PTPRG: variants seen among roughly 807,000 people sequenced by gnomAD.
The protein encoded by PTPRG is protein tyrosine phosphatase receptor type G.
Under a neutral mutation model 165.3 loss-of-function variants are expected in PTPRG, and 102 were observed. The ratio of observed to expected loss-of-function variants is 0.62; its 90% CI spans 0.53 to 0.73. PTPRG has a LOEUF of 0.73. Ranked by LOEUF, PTPRG falls within the 30% of genes least tolerant of loss-of-function variation. The pLI, the probability that PTPRG is intolerant of heterozygous loss-of-function variation, is 0.00. For missense variants in PTPRG, 1,866 were observed against 1,861.4 expected, an observed-to-expected ratio of 1.00 and a Z score of -0.05; for synonymous variants, 675 against 669.5, an observed-to-expected ratio of 1.01 and a Z score of -0.13.
At position 61,574,557 on chromosome 3, in the gene PTPRG, C is replaced by A. The variant is rs376634884; in HGVS notation, c.85+12185C>A. Among the ~76,000 whole-genome samples, 14 of 152,320 alleles carry A rather than the reference C, an allele frequency of 9.2e-5. 1 individual carries two copies. Among genetic ancestry groups the A allele is most frequent in the African/African-American group, 1.9e-4 (8 of 41,554 alleles). On this transcript the variant is annotated intron_variant, in intron 1 of 29. Coordinates refer to ENST00000474889, the MANE Select transcript of PTPRG (RefSeq NM_002841.4). The stretch of plus-strand genomic sequence containing the variant: ...GAAAATCTCTTGACAGTTTTAGGCA[C>A]TAGCTTCTCATTTTCCCAGTCAGTC...
chr3:62,084,689 C>G (rs1206438542), intron 5 of PTPRG, among the ~76,000 whole-genome samples: 1 of 152,200 alleles, frequency 6.6e-6, no homozygotes. Context: ...AAGCCTTTCT[C>G]TCCACTTCCC....
rs552190473 is a variant in PTPRG, at chr3:61,860,876, G to A, written c.190+111894G>A. On this transcript the variant is annotated intron_variant, in intron 2 of 29. Transcript: ENST00000474889. ...AGTTCTACACAATTTTATCACTGGT[G>A]TAGATTCATGTATCCGTCACCACAG... 2.0e-5 allele frequency among the ~76,000 whole-genome samples: 3 copies of A among 152,262 alleles called. 1 individual carries two copies. The South Asian group carries it at 6.2e-4, about 32-fold the overall frequency.
intron 2 of PTPRG, among the ~76,000 whole-genome samples, chr3:61,782,767 C>T (rs1051179343): frequency 6.6e-6 from 1 of 152,058 alleles, no homozygotes; most frequent in African/African-American, 2.4e-5. Flanking sequence ...GTAATAATTG[C>T]TTGAGTCTGG....
At chr3:62,007,391 C>G (rs533577406) in intron 4 of PTPRG, among the ~76,000 whole-genome samples, 2 of 152,300 alleles carry the variant, frequency 1.3e-5, no homozygotes, top group South Asian at 4.1e-4. Flanking sequence ...AACAACAAAA[C>G]AAGACGAAAG....
chr3:61,703,167 CT>C (rs1366592280), intron 1 of PTPRG, among the ~76,000 whole-genome samples: 2 of 150,700 alleles, frequency 1.3e-5, no homozygotes, highest in Non-Finnish European at 2.9e-5. Context: ...TTTTTTCCCC[CT>C]GTATGAAAGT....
chr3:61,915,788 G>A (rs1343942930), intron 2 of PTPRG, among the ~76,000 whole-genome samples: 1 of 152,158 alleles, frequency 6.6e-6, no homozygotes, highest in Non-Finnish European at 1.5e-5. Context: ...GGTAAGATTG[G>A]TGTTTGCAAA....
At chr3:62,135,929 T>A (rs1454228276) in intron 6 of PTPRG, among the ~76,000 whole-genome samples, 1 of 152,156 alleles carries the variant, frequency 6.6e-6, no homozygotes, top group Non-Finnish European at 1.5e-5. Context: ...CCCCACCATG[T>A]GTTGTCATTG....
chr3:61,568,367 C>G, intron 1 of PTPRG, among the ~76,000 whole-genome samples: 1 of 152,110 alleles, frequency 6.6e-6, no homozygotes, highest in East Asian at 1.9e-4. Context: ...GTGGTTAACT[C>G]AGTATGAAAA....
intron 1 of PTPRG, among the ~76,000 whole-genome samples, chr3:61,746,469 G>A (rs926752212): frequency 2.0e-5 from 3 of 151,846 alleles, no homozygotes; most frequent in Non-Finnish European, 4.4e-5. Flanking sequence ...ATAGGGTTTC[G>A]CCTTGTTACC....
chr3:61,955,867 A>G (rs80237971), intron 2 of PTPRG, among the ~76,000 whole-genome samples: 1 of 152,302 alleles, frequency 6.6e-6, no homozygotes, highest in East Asian at 1.9e-4. Context: ...AGAAATAAAA[A>G]TACTTTGTTT....
intron 2 of PTPRG, among the ~76,000 whole-genome samples, chr3:61,797,620 A>G (rs926610646): frequency 2.3e-5 from 3 of 128,078 alleles, no homozygotes; most frequent in Non-Finnish European, 3.1e-5. Flanking sequence ...TCCTTTGTAA[A>G]TCAAGATTTT....
chr3:61,594,578 G>C (rs115868182), intron 1 of PTPRG, among the ~76,000 whole-genome samples: 6 of 152,208 alleles, frequency 3.9e-5, no homozygotes, highest in African/African-American at 1.4e-4. Flanking sequence ...TTATTTCTGC[G>C]GAAGCACACC....
At chr3:62,027,903 A>G (rs972988767) in intron 4 of PTPRG, among the ~76,000 whole-genome samples, 5 of 152,230 alleles carry the variant, frequency 3.3e-5, no homozygotes, top group Admixed American at 2.0e-4. Context: ...ATAATAAAAA[A>G]TCACATCACT....
rs145985486 is a variant in PTPRG, at chr3:61,895,103, C to G, written c.191-94522C>G. Among the ~76,000 whole-genome samples, 1,153 of 152,298 alleles carry G rather than the reference C, an allele frequency of 7.6e-3. 11 individuals are homozygous for G. The highest frequency in any genetic ancestry group is 0.025 in the African/African-American group (1,059 of 41,562). On this transcript the variant is annotated intron_variant, in intron 2 of 29. Coordinates refer to ENST00000474889, the MANE Select transcript of PTPRG (RefSeq NM_002841.4). Reference sequence around the variant, plus strand: ...TGGATCCCTGATGAGAATCACTCCTCAGCAGGAAGAAGACAGCAGTAAATT... The same window carrying G: ...TGGATCCCTGATGAGAATCACTCCTGAGCAGGAAGAAGACAGCAGTAAATT...
intron 1 of PTPRG, among the ~76,000 whole-genome samples, chr3:61,724,375 G>A (rs984262856): frequency 2.6e-5 from 4 of 152,094 alleles, no homozygotes; most frequent in African/African-American, 9.7e-5. Flanking sequence ...ATGCACCACA[G>A]TTGGTTTAAT....
intron 1 of PTPRG, among the ~76,000 whole-genome samples, chr3:61,713,827 T>A (rs1351975456): frequency 6.6e-6 from 1 of 152,220 alleles, no homozygotes; most frequent in African/African-American, 2.4e-5. Context: ...CCTGCACAAG[T>A]TATGTGCCCA....
rs759396279 is a variant in PTPRG, at chr3:61,670,230, T to TC, written c.86-78648_86-78647insC. ...CTCAGTTTGTAGTCAGTGACTTATG[T>TC]TCAAAAACTTGGGAAGACCCAGGAG... is the stretch of plus-strand genomic sequence containing the variant. On this transcript the variant is annotated intron_variant, in intron 1 of 29. Transcript: ENST00000474889. Among the ~76,000 whole-genome samples the TC allele has an allele frequency of 7.2e-5, 11 of 152,330 alleles. No homozygotes were observed. The East Asian group carries it at 1.5e-3, about 21-fold the overall frequency.
intron 3 of PTPRG, among the ~76,000 whole-genome samples, chr3:62,002,439 C>A (rs952120372): frequency 2.6e-5 from 4 of 152,028 alleles, no homozygotes; most frequent in African/African-American, 9.7e-5. Flanking sequence ...ATGAATGAAT[C>A]CACTTCTAGA....
Position 62,273,932 on chromosome 3 carries a change from T to A in PTPRG, c.3465+88T>A. ...GGGGGTTATGTCTTCTTTGCATTAA[T>A]GTATACACCGAAATGGATTACTATT... On this transcript the variant is annotated intron_variant, in intron 23 of 29. Transcript: ENST00000474889. This position sits in a 1 kb window ranked among gnomAD's most constrained non-coding sequence, Gnocchi z 4.1. 2 of 1,281,460 alleles carry A rather than the reference T, an allele frequency of 1.6e-6. No homozygotes were observed. The highest frequency in any genetic ancestry group is 2.2e-6 in the Non-Finnish European group (2 of 908,508). 79.4% of individuals were successfully genotyped at this position (1,281,460 alleles called of 1,614,324 possible).
Sources: allele counts gnomAD v4.1 joint callset (sites outside exome capture counted in the v4.1 genomes callset), GRCh38; gene constraint gnomAD v4.1.1; non-coding constraint Gnocchi (gnomAD v3.1); transcripts MANE v1.5; gene names NCBI Gene and HGNC (gene_info 2026-07-23, HGNC 2026-07-21).